Variants in SH2B3 observed in about 807,000 individuals in gnomAD.
The protein encoded by SH2B3 is SH2B adapter protein 3.
A neutral mutation model predicts 51.9 loss-of-function variants in SH2B3; 43 were observed. The observed-to-expected ratio is 0.83, with a 90% CI of 0.65 to 1.07. SH2B3 has a LOEUF of 1.07. SH2B3 is among the 50% of genes least tolerant of loss of function. The pLI is 0.00. For missense variants in SH2B3, 952 were observed against 834.3 expected, an observed-to-expected ratio of 1.14 and a Z score of -1.74; for synonymous variants, 396 against 376.0, an observed-to-expected ratio of 1.05 and a Z score of -0.62.
intron 1 of SH2B3, among the ~76,000 whole-genome samples, chr12:111,414,300 T>C (rs989919067): frequency 6.6e-6 from 1 of 152,116 alleles, no homozygotes; most frequent in Non-Finnish European, 1.5e-5. Flanking sequence ...TGTACAAAAC[T>C]GTCGACTGTA....
At position 111,448,405 on chromosome 12, in the gene SH2B3, T is replaced by G. The variant is rs1874274262; in HGVS notation, c.*103T>G. ...CTTTCCTTCCTTCCAGAGAAAGATTTAAGGGACACTGTTAACTGCTCGTGC... is the reference window on the plus strand; with the variant it reads ...CTTTCCTTCCTTCCAGAGAAAGATTGAAGGGACACTGTTAACTGCTCGTGC... On this transcript the variant is annotated 3_prime_UTR_variant, in exon 8 of 8. Coordinates refer to ENST00000341259, the MANE Select transcript of SH2B3 (RefSeq NM_005475.3). 1.1e-6 allele frequency: 1 copy of G among 924,524 alleles called. No individual in the cohort carries two copies. 57.3% of individuals were successfully genotyped at this position (924,524 alleles called of 1,614,324 possible).
intron 2 of SH2B3, chr12:111,444,194 C>CA (rs1016482622): frequency 2.9e-4 from 44 of 151,970 alleles, no homozygotes; most frequent in African/African-American, 9.2e-4. Context: ...GAATCTGTCT[C>CA]AAAAAACAAA....
chr12:111,416,284 A>G (rs1466037482), intron 1 of SH2B3, among the ~76,000 whole-genome samples: 4 of 152,064 alleles, frequency 2.6e-5, no homozygotes. Flanking sequence ...TCTCACCGCA[A>G]CATGGAAATA....
chr12:111,414,017 G>A (rs1870899574), intron 1 of SH2B3, among the ~76,000 whole-genome samples: 1 of 152,206 alleles, frequency 6.6e-6, no homozygotes, highest in African/African-American at 2.4e-5. Context: ...AGGAGCCTGG[G>A]TCTGGAATCA....
At chr12:111,411,949 G>T (rs1031562774) in intron 1 of SH2B3, among the ~76,000 whole-genome samples, 1 of 152,120 alleles carries the variant, frequency 6.6e-6, no homozygotes, top group Non-Finnish European at 1.5e-5. Context: ...AGGTGAGGGG[G>T]GTCTCCTGGG....
rs1056679695 is a variant in SH2B3 at position 111,429,995 on chromosome 12, C to T, written c.732+11118C>T. ...CAGGCAGGCAGAGCTCAGGTCCTGGCGGGCACACAGGCTTAAGAAGCCGGT... is the reference window on the plus strand; with the variant it reads ...CAGGCAGGCAGAGCTCAGGTCCTGGTGGGCACACAGGCTTAAGAAGCCGGT... On this transcript the variant is annotated intron_variant, in intron 2 of 7. Coordinates refer to ENST00000341259, the MANE Select transcript of SH2B3 (RefSeq NM_005475.3). The surrounding 1 kb of genome is among the most constrained non-coding windows in gnomAD (Gnocchi z 4.4). Among the ~76,000 whole-genome samples the T allele has an allele frequency of 2.0e-5, 3 of 152,302 alleles. No individual in the cohort carries two copies. Among genetic ancestry groups the T allele is most frequent in the South Asian group, 2.1e-4 (1 of 4,830 alleles).
At chr12:111,425,344 C>G (rs567933553) in intron 2 of SH2B3, among the ~76,000 whole-genome samples, 3 of 152,232 alleles carry the variant, frequency 2.0e-5, no homozygotes, top group South Asian at 4.1e-4. Flanking sequence ...GTGGCCACTG[C>G]AGGTGGGCAG....
rs773721263 is a variant in SH2B3 at position 111,418,532 on chromosome 12, G to A, written c.387G>A (p.Pro129=). The change falls in exon 2 of 8, where the codon CCG becomes CCA. Residue 129 remains proline (P), a synonymous_variant. Transcript: ENST00000341259. The surrounding 1 kb of genome is among the most constrained non-coding windows in gnomAD (Gnocchi z 6.7). ...CTGAGGAGCTGGCCCCGCCGCGGCC[G>A]CCCGGGCCCTGCTCCTTCCAGCACT... ...RSSEELAPPR[P]PGPCSFQHFR... is the part of the protein sequence containing the mutation. 1.4e-6 allele frequency: 2 copies of A among 1,413,132 alleles called. No homozygotes were observed. Among genetic ancestry groups the A allele is most frequent in the East Asian group, 3.4e-5 (1 of 29,802 alleles). 87.5% of individuals were successfully genotyped at this position (1,413,132 alleles called of 1,614,324 possible).
chr12:111,418,375 G>A lies in SH2B3; in HGVS notation c.230G>A (p.Arg77His), dbSNP rs1219220572. The A allele has an allele frequency of 1.3e-6, 2 of 1,516,034 alleles. No homozygotes were observed. The highest frequency in any genetic ancestry group is 1.8e-6 in the Non-Finnish European group (2 of 1,137,942). 93.9% of individuals were successfully genotyped at this position (1,516,034 alleles called of 1,614,324 possible). A position where few individuals can be genotyped will look rare whatever the true frequency, so the allele number is the denominator to read the frequency against. Residue 77 changes from arginine (R) to histidine (H), a missense_variant, in exon 2 of 8, where the codon CGC (arginine) becomes CAC (histidine). Transcript: ENST00000341259. The surrounding 1 kb of genome is among the most constrained non-coding windows in gnomAD (Gnocchi z 6.7). The stretch of plus-strand genomic sequence containing the variant: ...GACCTCTTCCAGCGCTACTTCTGCC[G>A]CGAGGTGCGCGACGGACGGGCGCCG... ...FTDLFQRYFC[R>H]EVRDGRAPGR...
Position 111,407,341 on chromosome 12 carries a change from A to G in SH2B3, c.-28+1064A>G, listed in dbSNP as rs915408081. On this transcript the variant is annotated intron_variant, in intron 1 of 7. Transcript: ENST00000341259. The surrounding 1 kb of genome is among the most constrained non-coding windows in gnomAD (Gnocchi z 4.3). ...TGTCGGCAAGGCCAGCTTTGGTGGC[A>G]GGAGGGACCGAGATCTGACCCGCAG... is the stretch of plus-strand genomic sequence containing the variant. 6.6e-6 allele frequency among the ~76,000 whole-genome samples: 1 copy of G among 152,166 alleles called. No individual in the cohort carries two copies. Among genetic ancestry groups the G allele is most frequent in the Non-Finnish European group, 1.5e-5 (1 of 68,024 alleles).
intron 2 of SH2B3, among the ~76,000 whole-genome samples, chr12:111,428,872 G>A (rs1216895346): frequency 3.3e-5 from 5 of 152,100 alleles, no homozygotes; most frequent in Non-Finnish European, 7.4e-5. Flanking sequence ...GAGACCCGGG[G>A]AGGCCACAGG....
In SH2B3 at chr12:111,406,473, C is replaced by T. The variant is rs1208657425; in HGVS notation, c.-28+196C>T. On this transcript the variant is annotated intron_variant, in intron 1 of 7. Coordinates refer to ENST00000341259, the MANE Select transcript of SH2B3 (RefSeq NM_005475.3). The surrounding 1 kb of genome is among the most constrained non-coding windows in gnomAD (Gnocchi z 5.7). Reference sequence around the variant, plus strand: ...CCTACGACCCCCCACTCAGCCACTACCCCCACCCACACACGTGTTAGGGAG... The same window carrying T: ...CCTACGACCCCCCACTCAGCCACTATCCCCACCCACACACGTGTTAGGGAG... 6.6e-6 allele frequency among the ~76,000 whole-genome samples: 1 copy of T among 152,208 alleles called. No homozygotes were observed. Among genetic ancestry groups the T allele is most frequent in the Non-Finnish European group, 1.5e-5 (1 of 68,024 alleles).
upstream of SH2B3, among the ~76,000 whole-genome samples, chr12:111,405,385 T>G (rs1870168587): frequency 6.9e-6 from 1 of 144,992 alleles, no homozygotes; most frequent in African/African-American, 2.5e-5. This position sits in a 1 kb window ranked among gnomAD's most constrained non-coding sequence, Gnocchi z 5.4. Flanking sequence ...AGGGCTGGGC[T>G]CCCTCCCTGG....
chr12:111,432,538 G>A (rs1016770755), intron 2 of SH2B3, among the ~76,000 whole-genome samples: 1 of 152,102 alleles, frequency 6.6e-6, no homozygotes, highest in Non-Finnish European at 1.5e-5. Flanking sequence ...CATAAAATTC[G>A]CTTGTGTAAA....
In SH2B3 at chr12:111,450,379, A is replaced by C. The variant is rs1874464304; in HGVS notation, c.*2077A>C. ...GGAAAATGAATGCTAATTAGTGTGA[A>C]CCAAAAGAGTAAGTAAGAGTCTGAA... On this transcript the variant is annotated 3_prime_UTR_variant, in exon 8 of 8. Coordinates refer to ENST00000341259, the MANE Select transcript of SH2B3 (RefSeq NM_005475.3). 1 of 152,282 alleles carries C rather than the reference A, an allele frequency of 6.6e-6. No homozygotes were observed. The highest frequency in any genetic ancestry group is 6.5e-5 in the Admixed American group (1 of 15,290). 9.4% of individuals were successfully genotyped at this position (152,282 alleles called of 1,614,324 possible).
intron 2 of SH2B3, among the ~76,000 whole-genome samples, chr12:111,427,332 G>A (rs924007017): frequency 6.7e-6 from 1 of 148,398 alleles, no homozygotes; most frequent in Non-Finnish European, 1.5e-5. Flanking sequence ...GTTGCAGTGA[G>A]CTGAGATTGC....
intron 2 of SH2B3, among the ~76,000 whole-genome samples, chr12:111,432,348 T>C (rs1012983586): frequency 1.3e-5 from 2 of 151,994 alleles, no homozygotes; most frequent in African/African-American, 2.4e-5. Flanking sequence ...CCCAGCCCAT[T>C]TTTAACTTTT....
intron 2 of SH2B3, among the ~76,000 whole-genome samples, chr12:111,445,242 C>T (rs890740093): frequency 6.6e-6 from 1 of 152,146 alleles, no homozygotes. Context: ...TTAAGGCCTG[C>T]AGCTAGGGGG....
chr12:111,448,160 T>C lies in SH2B3; in HGVS notation c.1586T>C (p.Val529Ala). The change falls in exon 8 of 8, where the codon GTG becomes GCG. Residue 529 changes from valine to alanine, a missense_variant. By Grantham distance (64) the Val-to-Ala change is moderately conservative. Coordinates refer to ENST00000341259, the MANE Select transcript of SH2B3 (RefSeq NM_005475.3). ...CCCCCCGAGCAGATCTTCCACCTGG[T>C]GCCTTCGCCCGAAGAACTGGCCAAC... Reference protein sequence around the residue: ...SSPPEQIFHLVPSPEELANSL... With the variant: ...SSPPEQIFHLAPSPEELANSL... The C allele has an allele frequency of 1.2e-6, 2 of 1,614,110 alleles. No homozygotes were observed. The highest frequency in any genetic ancestry group is 1.3e-5 in the African/African-American group (1 of 75,026).
Sources: allele counts gnomAD v4.1 joint callset (sites outside exome capture counted in the v4.1 genomes callset), GRCh38; gene constraint gnomAD v4.1.1; non-coding constraint Gnocchi (gnomAD v3.1); transcripts MANE v1.5; gene names NCBI Gene and HGNC (gene_info 2026-07-23, HGNC 2026-07-21).